The following SLC8B1 variants were observed in gnomAD, a reference collection of about 807,000 sequenced individuals.
SLC8B1 encodes solute carrier family 8 member B1, also known as mitochondrial sodium/calcium exchanger protein.
In SLC8B1, 52 loss-of-function variants were observed where a neutral mutation model predicts 63.4. The observed-to-expected ratio is 0.82, with a 90% CI of 0.66 to 1.03. The LOEUF (loss-of-function observed/expected upper bound fraction) is 1.03. SLC8B1 is among the 50% of genes least tolerant of loss of function. SLC8B1 has a pLI of 0.00. For missense variants in SLC8B1, 657 were observed against 741.7 expected, an observed-to-expected ratio of 0.89 and a Z score of 1.33; for synonymous variants, 336 against 323.9, an observed-to-expected ratio of 1.04 and a Z score of -0.40.
At position 113,321,095 on chromosome 12, in the gene SLC8B1, A is replaced by G. The variant is rs1956920873; in HGVS notation, c.323T>C (p.Leu108Pro). 6.2e-7 allele frequency: 1 copy of G among 1,613,868 alleles called. No homozygotes were observed. The highest frequency in any genetic ancestry group is 8.5e-7 in the Non-Finnish European group (1 of 1,179,960). The change falls in exon 4 of 16, where the codon CTC becomes CCC. Residue 108 changes from leucine to proline, a missense_variant. Coordinates refer to ENST00000680972, the MANE Select transcript of SLC8B1 (RefSeq NM_001358345.2). ...GACTCCCAGAATCAGAAACAGGTAG[A>G]GCAGCCAGGAAACCTGGGTGGGGAG... ...LAVTLYVSWL[L>P]YLFLILGVTA...
chr12:113,313,675 G>T (rs1366337285), intron 11 of SLC8B1, among the ~76,000 whole-genome samples: 4 of 151,824 alleles, frequency 2.6e-5, no homozygotes, highest in African/African-American at 9.7e-5. Flanking sequence ...AGAGGTGGAG[G>T]TTGCAGTGAG....
rs757889234 is a variant in SLC8B1, at chr12:113,320,490, C to T, written c.535G>A (p.Val179Met). Residue 179 changes from valine (V) to methionine (M), a missense_variant, in exon 7 of 16, where the codon GTG (valine) becomes ATG (methionine). Physicochemically the swap from Val to Met is conservative, Grantham distance 21 (BLOSUM62 1). Transcript: ENST00000680972. This position sits in a 1 kb window ranked among gnomAD's most constrained non-coding sequence, Gnocchi z 5.3. ...CCGGCCACCACTGTGGTAACCAGCA[C>T]GCCAGCGCCTGGGGGGAGGAGGCCA... ...LALGALFGAG[V>M]LVTTVVAGGI... 2.5e-5 allele frequency: 40 copies of T among 1,613,978 alleles called. No homozygotes were observed. The highest frequency in any genetic ancestry group is 7.7e-5 in the South Asian group (7 of 91,088).
At chr12:113,307,635 A>C in intron 13 of SLC8B1, 56 bp downstream of exon 13, 1 of 1,571,126 alleles carries the variant, frequency 6.4e-7, no homozygotes, top group South Asian at 1.2e-5. Context: ...GGGGGAGGAA[A>C]GAGCTAAGAT....
intron 13 of SLC8B1, among the ~76,000 whole-genome samples, chr12:113,307,110 CAAAAAAAAAAAAAAAAAAAA>C (rs67032040): frequency 4.8e-3 from 87 of 18,204 alleles, no homozygotes; most frequent in African/African-American, 9.0e-3. Context: ...GCCTCCATCT[CAAAAAAAAAAAAAAAAAAAA>C]AAAAAAAAAA....
chr12:113,306,604 G>T, intron 13 of SLC8B1, 29 bp from the exon 14 acceptor site: 1 of 1,597,254 alleles, frequency 6.3e-7, no homozygotes, highest in Non-Finnish European at 8.6e-7. Context: ...GGCCTGCAGT[G>T]GTGAGTCGCT....
chr12:113,306,622 C>T (rs1174717038), intron 13 of SLC8B1, 47 bp from the exon 14 acceptor site: 3 of 1,507,710 alleles, frequency 2.0e-6, no homozygotes, highest in Non-Finnish European at 2.8e-6. Flanking sequence ...GCTTCCCCCA[C>T]CCTCCCTGGT....
At chr12:113,323,570 G>T (rs1312539643) in intron 2 of SLC8B1, among the ~76,000 whole-genome samples, 6 of 152,030 alleles carry the variant, frequency 3.9e-5, no homozygotes. Flanking sequence ...TGAGCCAGGC[G>T]TGGTGACATC....
chr12:113,324,781 G>A (rs1271945086), intron 2 of SLC8B1, among the ~76,000 whole-genome samples: 2 of 151,780 alleles, frequency 1.3e-5, no homozygotes, highest in Non-Finnish European at 2.9e-5. Flanking sequence ...TTGGCTCACT[G>A]CAACCTCCAC....
rs758828313 is a variant in SLC8B1, at chr12:113,316,594, G to A, written c.925C>T (p.Leu309Phe). 2 of 1,614,214 alleles carry A rather than the reference G, an allele frequency of 1.2e-6. No homozygotes were observed. The highest frequency in any genetic ancestry group is 1.7e-6 in the Non-Finnish European group (2 of 1,180,034). The change falls in exon 10 of 16, where the codon CTC (leucine) becomes TTC (phenylalanine). Residue 309 changes from leucine (L) to phenylalanine (F), a missense_variant. Transcript: ENST00000680972. ...CACTTCATGTAATCCAGGGGATTGA[G>A]GGCCCGGACCAGGATCTGAGCCGTG... is the stretch of plus-strand genomic sequence containing the variant. Reference protein sequence around the residue: ...ETTAQILVRALNPLDYMKWRR... With the variant: ...ETTAQILVRAFNPLDYMKWRR...
chr12:113,307,991 C>T, intron 12 of SLC8B1, 147 bp from the exon 13 acceptor site: 1 of 922,072 alleles, frequency 1.1e-6, no homozygotes. Context: ...GCATTGGTGC[C>T]TGTGCAAAGT....
intron 1 of SLC8B1, among the ~76,000 whole-genome samples, 182 bp from the exon 2 acceptor site, chr12:113,333,142 G>A (rs111877668): frequency 0.024 from 3,667 of 152,312 alleles, 138 homozygotes; most frequent in African/African-American, 0.083. Flanking sequence ...CCCATTCAGC[G>A]TGCAGATCAG....
Position 113,334,625 on chromosome 12 carries a change from C to T in SLC8B1, c.-265G>A, listed in dbSNP as rs1014067484. On this transcript the variant is annotated 5_prime_UTR_variant, in exon 1 of 16. Transcript: ENST00000680972. ...CTTCACCTCTCTGGGCCTCTTATTC[C>T]TCATGTGTGAAATGGACACAAATGC... 3 of 152,280 alleles carry T rather than the reference C, an allele frequency of 2.0e-5. No individual in the cohort carries two copies. The highest frequency in any genetic ancestry group is 1.3e-4 in the Admixed American group (2 of 15,280). The allele number at this position is 152,280 out of a possible 1,614,324, so 9.4% of individuals were successfully genotyped here.
intron 2 of SLC8B1, among the ~76,000 whole-genome samples, chr12:113,325,138 T>C (rs1593258041): frequency 6.6e-6 from 1 of 152,244 alleles, no homozygotes; most frequent in Non-Finnish European, 1.5e-5. Context: ...TGTTCAAATT[T>C]GCCCTCCTCA....
intron 14 of SLC8B1, 69 bp downstream of exon 14, chr12:113,306,426 G>T: frequency 7.5e-7 from 1 of 1,329,228 alleles, no homozygotes; most frequent in Non-Finnish European, 1.0e-6. Context: ...CCCAGGGTGG[G>T]GCATGGAGCA....
rs774758510 is a variant in SLC8B1, at chr12:113,320,817, C to T, written c.420+33G>A. The T allele has an allele frequency of 2.3e-4, 371 of 1,590,610 alleles. No individual in the cohort carries two copies. The highest frequency in any genetic ancestry group is 3.1e-4 in the Non-Finnish European group (357 of 1,169,952). ...CCCAGCCTCCCCACAACTGCCCTCC[C>T]TCCAGGGTGCAGGACACTGGACAAA... On this transcript the variant is annotated intron_variant, in intron 5 of 15. Coordinates refer to ENST00000680972, the MANE Select transcript of SLC8B1 (RefSeq NM_001358345.2). This position sits in a 1 kb window ranked among gnomAD's most constrained non-coding sequence, Gnocchi z 5.3.
At chr12:113,311,311 G>A (rs1356580365) in intron 11 of SLC8B1, among the ~76,000 whole-genome samples, 2 of 152,190 alleles carry the variant, frequency 1.3e-5, no homozygotes, top group African/African-American at 4.8e-5. Context: ...TTAGCCGGGG[G>A]TGGTGGCACA....
In SLC8B1 at chr12:113,319,089, G is replaced by T; in HGVS notation, c.695-18C>A. The stretch of plus-strand genomic sequence containing the variant: ...CAGGTAACCTGCAGACGGGGTGCAC[G>T]CCGTCACCAAGTGGTGTCCTGGTGC... On this transcript the variant is annotated intron_variant, in intron 7 of 15. Transcript: ENST00000680972. 6.4e-7 allele frequency: 1 copy of T among 1,572,204 alleles called. No homozygotes were observed. The highest frequency in any genetic ancestry group is 8.8e-7 in the Non-Finnish European group (1 of 1,141,982).
intron 12 of SLC8B1, 21 bp downstream of exon 12, chr12:113,310,213 C>G (rs776930959): frequency 1.2e-6 from 2 of 1,610,084 alleles, no homozygotes; most frequent in Non-Finnish European, 1.7e-6. Context: ...CCCCCCATCT[C>G]GGAGAACCCG....
chr12:113,318,680 G>A (rs1481050743), intron 8 of SLC8B1, among the ~76,000 whole-genome samples: 1 of 152,186 alleles, frequency 6.6e-6, no homozygotes, highest in Non-Finnish European at 1.5e-5. Flanking sequence ...CCCTGAGAAT[G>A]GTGGGAAACA....
Sources: gnomAD v4.1 joint callset for allele counts (sites outside exome capture counted in the v4.1 genomes callset) on GRCh38, gnomAD v4.1.1 for gene constraint, Gnocchi (gnomAD v3.1) non-coding constraint, MANE v1.5 for transcripts, NCBI Gene and HGNC (gene_info 2026-07-23, HGNC 2026-07-21) for gene names.